DSCAML1: variants seen among roughly 807,000 people sequenced by gnomAD.
DSCAML1 encodes cell adhesion molecule DSCAML1.
In DSCAML1, 38 loss-of-function variants were observed where a neutral mutation model predicts 200.5. The observed-to-expected ratio is 0.19, with a 90% CI of 0.15 to 0.25. DSCAML1 has a LOEUF of 0.25. Ranked by LOEUF, DSCAML1 falls within the 10% of genes least tolerant of loss-of-function variation. The pLI, the probability that DSCAML1 is intolerant of heterozygous loss-of-function variation, is 1.00. For missense variants in DSCAML1, 2,223 were observed against 2,858.8 expected, an observed-to-expected ratio of 0.78 and a Z score of 5.07; for synonymous variants, 1,215 against 1,165.0, an observed-to-expected ratio of 1.04 and a Z score of -0.87.
intron 3 of DSCAML1, among the ~76,000 whole-genome samples, chr11:117,601,687 G>A (rs1427423845): frequency 6.6e-6 from 1 of 152,216 alleles, no homozygotes; most frequent in Non-Finnish European, 1.5e-5. Context: ...CTGAGAATAA[G>A]TGCTGATTAT....
At chr11:117,679,095 G>A (rs967235915) in intron 3 of DSCAML1, among the ~76,000 whole-genome samples, 1 of 152,238 alleles carries the variant, frequency 6.6e-6, no homozygotes, top group South Asian at 2.1e-4. Context: ...CTGGGCCAGA[G>A]CAGAGGCCAG....
At chr11:117,671,883 G>A (rs933627771) in intron 3 of DSCAML1, among the ~76,000 whole-genome samples, 1 of 151,724 alleles carries the variant, frequency 6.6e-6, no homozygotes, top group East Asian at 1.9e-4. Context: ...AGGCCGAGGC[G>A]GGCGGATTAC....
intron 3 of DSCAML1, among the ~76,000 whole-genome samples, chr11:117,688,149 G>A (rs1449346754): frequency 6.6e-6 from 1 of 152,232 alleles, no homozygotes; most frequent in Non-Finnish European, 1.5e-5. Context: ...CAGCAATACA[G>A]GAAAAAGAAT....
At chr11:117,672,015 G>A (rs1324744914) in intron 3 of DSCAML1, among the ~76,000 whole-genome samples, 1 of 150,440 alleles carries the variant, frequency 6.6e-6, no homozygotes, top group African/African-American at 2.4e-5. Flanking sequence ...GCAGGAGAAT[G>A]GCGTGAACCC....
Position 117,447,457 on chromosome 11 carries a change from T to G in DSCAML1, c.3708+3092A>C, listed in dbSNP as rs140935008. Among the ~76,000 whole-genome samples, 1,406 of 152,358 alleles carry G rather than the reference T, an allele frequency of 9.2e-3. 19 individuals are homozygous for G. The highest frequency in any genetic ancestry group is 0.031 in the African/African-American group (1,286 of 41,582). The stretch of plus-strand genomic sequence containing the variant: ...GTGTACAGATCAAAGACTGGAAGAC[T>G]ATATACCAGTGTTTATCTGTAGGAA... On this transcript the variant is annotated intron_variant, in intron 20 of 32. Coordinates refer to ENST00000651296, the MANE Select transcript of DSCAML1 (RefSeq NM_020693.4).
intron 3 of DSCAML1, among the ~76,000 whole-genome samples, chr11:117,629,337 C>T (rs537157721): frequency 6.6e-6 from 1 of 152,180 alleles, no homozygotes; most frequent in Non-Finnish European, 1.5e-5. Context: ...CCATTACCTC[C>T]CGGGGACAGG....
intron 11 of DSCAML1, among the ~76,000 whole-genome samples, chr11:117,484,793 G>C (rs1374490241): frequency 6.6e-6 from 1 of 152,158 alleles, no homozygotes; most frequent in African/African-American, 2.4e-5. Flanking sequence ...CTGGGGACTG[G>C]GACCCCCATG....
At chr11:117,660,847 T>C (rs2052833416) in intron 3 of DSCAML1, among the ~76,000 whole-genome samples, 1 of 152,100 alleles carries the variant, frequency 6.6e-6, no homozygotes, top group African/African-American at 2.4e-5. Flanking sequence ...TACAGGTGAT[T>C]TTGTGTTCTG....
At chr11:117,753,346 C>T (rs972446857) in intron 3 of DSCAML1, among the ~76,000 whole-genome samples, 23 of 152,162 alleles carry the variant, frequency 1.5e-4, no homozygotes, top group African/African-American at 5.6e-4. Context: ...GTCCCGCATT[C>T]TTCTCCTCCC....
Position 117,443,923 on chromosome 11 carries a change from G to A in DSCAML1, c.3825C>T (p.Asn1275=). The part of the protein sequence containing the change: ...VAAVTSAGRG[N]SSEKVTIEPA... ...GCTCGATGGTCACCTTCTCGCTGCT[G>A]TTGCCCCGGCCGGCAGAGGTGACGG... Residue 1275 remains asparagine, a synonymous_variant, in exon 21 of 33, where the codon AAC becomes AAT. Transcript: ENST00000651296. 6.2e-7 allele frequency: 1 copy of A among 1,612,486 alleles called. No homozygotes were observed. The highest frequency in any genetic ancestry group is 8.5e-7 in the Non-Finnish European group (1 of 1,179,624).
intron 3 of DSCAML1, among the ~76,000 whole-genome samples, chr11:117,640,954 CA>C (rs2052394005): frequency 6.6e-6 from 1 of 152,146 alleles, no homozygotes. Flanking sequence ...TGTGCTCAAC[CA>C]AAATAATACA....
At chr11:117,659,834 T>G (rs1318344673) in intron 3 of DSCAML1, among the ~76,000 whole-genome samples, 1 of 152,160 alleles carries the variant, frequency 6.6e-6, no homozygotes, top group African/African-American at 2.4e-5. Context: ...TTCTCCCACC[T>G]CAGCCTCCCG....
At chr11:117,705,498 A>G (rs2053744052) in intron 3 of DSCAML1, among the ~76,000 whole-genome samples, 1 of 152,218 alleles carries the variant, frequency 6.6e-6, no homozygotes, top group Non-Finnish European at 1.5e-5. Context: ...TCTGTACAGT[A>G]GATAATCTCT....
At chr11:117,769,166 A>G (rs1395910949) in intron 3 of DSCAML1, among the ~76,000 whole-genome samples, 1 of 24,672 alleles carries the variant, frequency 4.1e-5, no homozygotes, top group African/African-American at 8.6e-5. Context: ...TATATATTAT[A>G]TATTTTATAT....
chr11:117,677,132 C>T (rs1425984044), intron 3 of DSCAML1, among the ~76,000 whole-genome samples: 1 of 152,202 alleles, frequency 6.6e-6, no homozygotes, highest in Non-Finnish European at 1.5e-5. Context: ...CTGATATCCT[C>T]AATTTGTGAT....
At chr11:117,521,764 G>A (rs996765867) in intron 5 of DSCAML1, among the ~76,000 whole-genome samples, 5 of 93,690 alleles carry the variant, frequency 5.3e-5, no homozygotes, top group African/African-American at 1.6e-4. Flanking sequence ...TCAGAAACCG[G>A]GGGGGGCACC....
At chr11:117,796,373 A>C (rs905797144) in intron 1 of DSCAML1, among the ~76,000 whole-genome samples, 5 of 152,216 alleles carry the variant, frequency 3.3e-5, no homozygotes, top group Admixed American at 1.3e-4. Context: ...GTGGCGCACC[A>C]AGCCGGGGCT....
chr11:117,644,868 C>T (rs564733497), intron 3 of DSCAML1, among the ~76,000 whole-genome samples: 1 of 152,350 alleles, frequency 6.6e-6, no homozygotes, highest in South Asian at 2.1e-4. Flanking sequence ...GGACTGAACC[C>T]GCCGGGGCAG....
intron 19 of DSCAML1, among the ~76,000 whole-genome samples, chr11:117,456,015 T>C (rs1216493237): frequency 6.6e-6 from 1 of 152,202 alleles, no homozygotes; most frequent in Non-Finnish European, 1.5e-5. Flanking sequence ...TCGGTCCTGA[T>C]AATTCCATTT....
Sources: allele counts gnomAD v4.1 joint callset (sites outside exome capture counted in the v4.1 genomes callset), GRCh38; gene constraint gnomAD v4.1.1; transcripts MANE v1.5; gene names NCBI Gene and HGNC (gene_info 2026-07-23, HGNC 2026-07-21).